Variants in CPNE4 observed in about 807,000 individuals in gnomAD.
CPNE4 encodes the protein copine 4, also known as copine-4.
A neutral mutation model predicts 67.9 loss-of-function variants in CPNE4; 25 were observed. The ratio of observed to expected loss-of-function variants is 0.37; its 90% CI spans 0.27 to 0.51. The LOEUF is 0.51. CPNE4 is among the 20% of genes least tolerant of loss of function. The pLI, the probability that CPNE4 is intolerant of heterozygous loss-of-function variation, is 0.93. For synonymous variants in CPNE4, 242 were observed against 244.9 expected, an observed-to-expected ratio of 0.99 and a Z score of 0.11; for missense variants, 464 against 690.8, an observed-to-expected ratio of 0.67 and a Z score of 3.68.
intron 11 of CPNE4, among the ~76,000 whole-genome samples, chr3:131,563,007 T>C (rs1413157177): frequency 1.3e-5 from 2 of 152,170 alleles, no homozygotes; most frequent in South Asian, 2.1e-4. Context: ...ACATTTGAGT[T>C]ACTGGTGATG....
chr3:131,785,634 T>C (rs985631223), intron 2 of CPNE4, among the ~76,000 whole-genome samples: 1 of 151,328 alleles, frequency 6.6e-6, no homozygotes, highest in Non-Finnish European at 1.5e-5. Flanking sequence ...TGACAGTTTG[T>C]TACATCTGCC....
In CPNE4 at chr3:131,792,648, T is replaced by C. The variant is rs867397828; in HGVS notation, c.181-69023A>G. ...ATATATATACACACGTGTATATATG[T>C]ATATATACACACGTGTATATATACA... On this transcript the variant is annotated intron_variant, in intron 2 of 15. Coordinates refer to ENST00000429747, the MANE Select transcript of CPNE4 (RefSeq NM_130808.3). 2.6e-3 allele frequency among the ~76,000 whole-genome samples: 98 copies of C among 37,790 alleles called. 2 individuals carry two copies. The highest frequency in any genetic ancestry group is 6.0e-3 in the African/African-American group (84 of 14,014). The allele number at this position is 37,790 out of a possible 152,430, so 24.8% of individuals were successfully genotyped here. A position where few individuals can be genotyped will look rare whatever the true frequency, so the allele number is the denominator to read the frequency against.
intron 2 of CPNE4, among the ~76,000 whole-genome samples, chr3:131,750,017 C>G (rs1290483350): frequency 6.6e-6 from 1 of 152,146 alleles, no homozygotes; most frequent in African/African-American, 2.4e-5. Context: ...GACAGAGCAA[C>G]TATACTAGCT....
chr3:131,774,152 A>T (rs1179358811), intron 2 of CPNE4, among the ~76,000 whole-genome samples: 1 of 152,170 alleles, frequency 6.6e-6, no homozygotes, highest in African/African-American at 2.4e-5. Flanking sequence ...TTCTTCCAGC[A>T]GGCAGGGTCC....
At chr3:131,860,273 C>T (rs1413548641) in intron 2 of CPNE4, among the ~76,000 whole-genome samples, 2 of 152,088 alleles carry the variant, frequency 1.3e-5, no homozygotes, top group Non-Finnish European at 1.5e-5. Flanking sequence ...GTTATTGTTA[C>T]TAAGTGGCAA....
At chr3:131,566,223 G>C (rs1014330278) in intron 10 of CPNE4, among the ~76,000 whole-genome samples, 1 of 151,802 alleles carries the variant, frequency 6.6e-6, no homozygotes, top group African/African-American at 2.4e-5. Flanking sequence ...TGGCAATTTG[G>C]GGAAGAATTG....
intron 1 of CPNE4, among the ~76,000 whole-genome samples, chr3:131,970,280 C>T (rs567897899): frequency 1.3e-5 from 2 of 152,306 alleles, no homozygotes; most frequent in African/African-American, 2.4e-5. Context: ...AGATACCAAC[C>T]TAACTTTGAC....
intron 1 of CPNE4, among the ~76,000 whole-genome samples, chr3:131,960,742 C>T (rs1478032157): frequency 1.3e-5 from 2 of 152,138 alleles, no homozygotes; most frequent in Admixed American, 6.5e-5. Context: ...TCAGTTAATG[C>T]AGTTTCCACA....
At chr3:131,689,956 T>G (rs1306271712) in intron 5 of CPNE4, among the ~76,000 whole-genome samples, 2 of 151,904 alleles carry the variant, frequency 1.3e-5, no homozygotes, top group East Asian at 3.9e-4. Flanking sequence ...CTAGAAAAAA[T>G]GAAATGCCTA....
chr3:131,641,591 G>C (rs748326756), intron 7 of CPNE4, among the ~76,000 whole-genome samples: 3 of 152,174 alleles, frequency 2.0e-5, no homozygotes, highest in Non-Finnish European at 4.4e-5. Flanking sequence ...CAATCACTCT[G>C]GAAAACGGTG....
chr3:131,638,481 A>C (rs187359528), intron 7 of CPNE4, among the ~76,000 whole-genome samples: 105 of 152,296 alleles, frequency 6.9e-4, no homozygotes, highest in Non-Finnish European at 1.2e-3. Flanking sequence ...CACAATCCCA[A>C]ATATATATGC....
At chr3:131,552,372 T>C (rs1936230866) in intron 13 of CPNE4, 68 bp downstream of exon 13, 1 of 1,319,830 alleles carries the variant, frequency 7.6e-7, no homozygotes, top group Non-Finnish European at 1.1e-6. Flanking sequence ...CCAGCAGAGA[T>C]GAACTAAAAT....
At chr3:131,606,459 C>T (rs1237970479) in intron 7 of CPNE4, among the ~76,000 whole-genome samples, 1 of 152,136 alleles carries the variant, frequency 6.6e-6, no homozygotes, top group African/African-American at 2.4e-5. Context: ...GTAGATTGGA[C>T]TGACCACCCT....
chr3:131,658,284 G>T (rs1357251193), intron 7 of CPNE4, among the ~76,000 whole-genome samples: 1 of 152,118 alleles, frequency 6.6e-6, no homozygotes. Flanking sequence ...CCAGTGAGAC[G>T]GGGGACCCTG....
chr3:131,610,491 G>A (rs1381924010), intron 7 of CPNE4, among the ~76,000 whole-genome samples: 1 of 152,146 alleles, frequency 6.6e-6, no homozygotes, highest in Non-Finnish European at 1.5e-5. Flanking sequence ...CTCCTTGAGT[G>A]TGCAGTACTG....
At chr3:131,683,548 G>A (rs1163443399) in intron 6 of CPNE4, among the ~76,000 whole-genome samples, 1 of 152,168 alleles carries the variant, frequency 6.6e-6, no homozygotes, top group African/African-American at 2.4e-5. Flanking sequence ...TCAAGTGGGA[G>A]GGAGGAGTGT....
At chr3:131,890,927 G>A (rs1182716068) in intron 2 of CPNE4, among the ~76,000 whole-genome samples, 1 of 152,026 alleles carries the variant, frequency 6.6e-6, no homozygotes, top group Non-Finnish European at 1.5e-5. Context: ...AAAGAATGAT[G>A]GATACCCAGG....
intron 7 of CPNE4, among the ~76,000 whole-genome samples, chr3:131,622,594 G>GGAAACTT (rs1189194821): frequency 6.6e-6 from 1 of 152,080 alleles, no homozygotes; most frequent in African/African-American, 2.4e-5. Context: ...GATACATCCT[G>GGAAACTT]GAAAACTTGT....
chr3:131,564,467 T>A lies in CPNE4; in HGVS notation c.928-118A>T, dbSNP rs1044221659. 3 of 884,480 alleles carry A rather than the reference T, an allele frequency of 3.4e-6. No individual in the cohort carries two copies. In the African/African-American group the frequency reaches 5.1e-5, roughly 15 times the overall value. 54.8% of individuals were successfully genotyped at this position (884,480 alleles called of 1,614,324 possible). ...AAAAACAGTAGCACATTACATACCC[T>A]GCCAATAAAGAAAGAGAATAAACTA... On this transcript the variant is annotated intron_variant, in intron 10 of 15. Coordinates refer to ENST00000429747, the MANE Select transcript of CPNE4 (RefSeq NM_130808.3).
Sources: allele counts gnomAD v4.1 joint callset (sites outside exome capture counted in the v4.1 genomes callset), GRCh38; gene constraint gnomAD v4.1.1; transcripts MANE v1.5; gene names NCBI Gene and HGNC (gene_info 2026-07-23, HGNC 2026-07-21).